NPAS2: variants seen among roughly 807,000 people sequenced by gnomAD.
NPAS2 encodes neuronal PAS domain-containing protein 2.
Under a neutral mutation model 107.5 loss-of-function variants are expected in NPAS2, and 23 were observed. The observed-to-expected ratio is 0.21, with a 90% CI of 0.15 to 0.30. The LOEUF is 0.30. Ranked by LOEUF, NPAS2 falls within the 10% of genes least tolerant of loss-of-function variation. The pLI is 1.00. For synonymous variants in NPAS2, 403 were observed against 417.5 expected (o/e 0.97, Z 0.42); for missense variants, 756 against 1,043.3 (o/e 0.72, Z 3.79).
intron 15 of NPAS2, among the ~76,000 whole-genome samples, chr2:100,979,651 T>C (rs1047468599): frequency 6.6e-6 from 1 of 151,636 alleles, no homozygotes; most frequent in Non-Finnish European, 1.5e-5. Flanking sequence ...GTAGCTGGGA[T>C]TACAGGAATG....
intron 1 of NPAS2, among the ~76,000 whole-genome samples, chr2:100,843,702 A>G (rs1417814520): frequency 6.6e-6 from 1 of 152,214 alleles, no homozygotes; most frequent in East Asian, 1.9e-4. Flanking sequence ...CTTGATTAAG[A>G]AAAATTTCCA....
intron 1 of NPAS2, among the ~76,000 whole-genome samples, chr2:100,842,081 G>GCGCGCGTGCGCGCACGCGCGCACA: frequency 1.0e-4 from 15 of 148,798 alleles, no homozygotes; most frequent in African/African-American, 3.7e-4. Flanking sequence ...GCATGTACGC[G>GCGCGCGTGCGCGCACGCGCGCACA]CACACACACA....
intron 2 of NPAS2, among the ~76,000 whole-genome samples, chr2:100,910,877 G>A (rs35288124): frequency 0.15 from 22,275 of 152,100 alleles, 1,816 homozygotes; most frequent in South Asian, 0.18. Flanking sequence ...GCCCAGTGAT[G>A]CCCCCAAACC....
chr2:100,967,825 C>T (rs542848835), intron 10 of NPAS2, among the ~76,000 whole-genome samples: 4 of 152,252 alleles, frequency 2.6e-5, no homozygotes, highest in East Asian at 1.9e-4. Context: ...AGAACTGTGT[C>T]GACTGGGCAT....
intron 1 of NPAS2, among the ~76,000 whole-genome samples, chr2:100,877,303 A>G (rs1022300124): frequency 6.6e-6 from 1 of 152,124 alleles, no homozygotes; most frequent in Non-Finnish European, 1.5e-5. Context: ...CCTCTACTAA[A>G]AATACAAAAA....
chr2:100,996,121 T>A lies in NPAS2; in HGVS notation c.*539T>A, dbSNP rs902547089. On this transcript the variant is annotated 3_prime_UTR_variant, in exon 21 of 21. Coordinates refer to ENST00000335681, the MANE Select transcript of NPAS2 (RefSeq NM_002518.4). Reference sequence around the variant, plus strand: ...ATAACTTAGGCACTTTCTGTTTTTTTTAAAAAAATAATAAGGTCTCATGGC... The same window carrying A: ...ATAACTTAGGCACTTTCTGTTTTTTATAAAAAAATAATAAGGTCTCATGGC... 24 of 423,316 alleles carry A rather than the reference T, an allele frequency of 5.7e-5. No individual in the cohort carries two copies. Among genetic ancestry groups the A allele is most frequent in the Middle Eastern group, 1.8e-3 (2 of 1,098 alleles). 26.2% of individuals were successfully genotyped at this position (423,316 alleles called of 1,614,324 possible). A position where few individuals can be genotyped will look rare whatever the true frequency, so the allele number is the denominator to read the frequency against.
chr2:100,842,081 G>GCGCGTGCGCGCACACACACACA, intron 1 of NPAS2, among the ~76,000 whole-genome samples: 1 of 148,798 alleles, frequency 6.7e-6, no homozygotes, highest in Non-Finnish European at 1.5e-5. Flanking sequence ...GCATGTACGC[G>GCGCGTGCGCGCACACACACACA]CACACACACA....
intron 4 of NPAS2, chr2:100,934,818 A>T: frequency 1.0e-6 from 1 of 985,342 alleles, no homozygotes; most frequent in Non-Finnish European, 1.2e-6. Flanking sequence ...TTCCCATAGC[A>T]TGGGTCTCTC....
At chr2:100,949,298 C>A in intron 6 of NPAS2, 69 bp from the exon 7 acceptor site, 2 of 885,098 alleles carry the variant, frequency 2.3e-6, no homozygotes, top group Non-Finnish European at 3.8e-6. Flanking sequence ...TTCACAGAGA[C>A]GCTACTTGTT....
At chr2:100,881,295 G>A (rs992179568) in intron 1 of NPAS2, among the ~76,000 whole-genome samples, 2 of 152,208 alleles carry the variant, frequency 1.3e-5, no homozygotes, top group Admixed American at 1.3e-4. Flanking sequence ...CCTGGAAGCT[G>A]GCTGGGAATG....
intron 1 of NPAS2, among the ~76,000 whole-genome samples, chr2:100,896,720 G>A (rs1301632638): frequency 6.6e-6 from 1 of 152,112 alleles, no homozygotes; most frequent in Admixed American, 6.5e-5. Flanking sequence ...CTATTACCTT[G>A]GAGCCACCAC....
chr2:100,854,158 C>CAAAAA (rs70943046), intron 1 of NPAS2, among the ~76,000 whole-genome samples: 129 of 59,532 alleles, frequency 2.2e-3, no homozygotes, highest in Middle Eastern at 0.017. Context: ...CCTGCCTCAA[C>CAAAAA]AAAAAAAAAA....
chr2:100,819,150 GA>G (rs377474079), upstream of NPAS2, among the ~76,000 whole-genome samples: 16,436 of 143,212 alleles, frequency 0.11, 929 homozygotes, highest in South Asian at 0.13. The surrounding 1 kb of genome is among the most constrained non-coding windows in gnomAD (Gnocchi z 5.8). Flanking sequence ...TCCCACAGAG[GA>G]AAAAAAAAAA....
At chr2:100,990,926 G>A in intron 19 of NPAS2, 54 bp downstream of exon 19, 1 of 1,516,832 alleles carries the variant, frequency 6.6e-7, no homozygotes. Flanking sequence ...ATGGTTCCAG[G>A]CTGGCCAGAC....
intron 1 of NPAS2, among the ~76,000 whole-genome samples, chr2:100,902,514 T>A (rs1185686192): frequency 6.6e-6 from 1 of 152,182 alleles, no homozygotes; most frequent in Non-Finnish European, 1.5e-5. Flanking sequence ...TAGTCAAATT[T>A]ATAGAGACAG....
chr2:100,988,004 G>A, intron 16 of NPAS2, 75 bp from the exon 17 acceptor site: 1 of 1,489,520 alleles, frequency 6.7e-7, no homozygotes, highest in African/African-American at 1.4e-5. Flanking sequence ...TACTGGCACA[G>A]GGAATGCAAA....
intron 1 of NPAS2, among the ~76,000 whole-genome samples, chr2:100,851,616 G>A (rs750428728): frequency 6.6e-5 from 10 of 152,220 alleles, no homozygotes; most frequent in African/African-American, 1.9e-4. Flanking sequence ...AACACATGCA[G>A]CTATGGAAAG....
At position 100,892,200 on chromosome 2, in the gene NPAS2, C is replaced by T. The variant is rs150202455; in HGVS notation, c.-22-12533C>T. ...AGAATAATATGTTGTGTTAGGATGG[C>T]CCTTCCATCCAGATATCATGGCCGT... On this transcript the variant is annotated intron_variant, in intron 1 of 20. Transcript: ENST00000335681. Among the ~76,000 whole-genome samples, 346 of 152,294 alleles carry T rather than the reference C, an allele frequency of 2.3e-3. 1 individual carries two copies. The highest frequency in any genetic ancestry group is 8.1e-3 in the African/African-American group (338 of 41,548).
chr2:100,957,663 G>T (rs148031931), intron 7 of NPAS2, among the ~76,000 whole-genome samples: 2 of 152,152 alleles, frequency 1.3e-5, no homozygotes, highest in South Asian at 4.1e-4. Flanking sequence ...GCGGTGGCTC[G>T]CGCCTGTAAT....
Sources: gnomAD v4.1 joint callset for allele counts (sites outside exome capture counted in the v4.1 genomes callset) on GRCh38, gnomAD v4.1.1 for gene constraint, Gnocchi (gnomAD v3.1) non-coding constraint, MANE v1.5 for transcripts, NCBI Gene and HGNC (gene_info 2026-07-23, HGNC 2026-07-21) for gene names.